CELF5: variants seen among roughly 807,000 people sequenced by gnomAD.
The protein encoded by CELF5 is CUG-BP and ETR-3 like factor 5.
CELF5 carries 6 observed loss-of-function variants against 54.9 expected under a neutral mutation model. That is an observed-to-expected ratio of 0.11 (90% CI 0.06 to 0.22). The LOEUF is 0.22. Among genes scored for constraint, CELF5 ranks in the 10% least tolerant of loss-of-function variants. The pLI is 1.00. For synonymous variants in CELF5, 271 were observed against 290.9 expected (o/e 0.93, Z 0.70); for missense variants, 401 against 678.6 (o/e 0.59, Z 4.54).
intron 2 of CELF5, among the ~76,000 whole-genome samples, chr19:3,267,072 T>C (rs1827404829): frequency 6.9e-6 from 1 of 143,950 alleles, no homozygotes; most frequent in Non-Finnish European, 1.5e-5. Flanking sequence ...CCTCTGTGTG[T>C]GCGTGTGCGT....
At chr19:3,248,352 C>G (rs531318537) in intron 1 of CELF5, among the ~76,000 whole-genome samples, 11 of 152,176 alleles carry the variant, frequency 7.2e-5, no homozygotes, top group South Asian at 2.1e-4. Context: ...CAAACTGAAA[C>G]TGTATCCCTG....
In CELF5 at chr19:3,281,127, T is replaced by C; in HGVS notation, c.604-72T>C. On this transcript the variant is annotated intron_variant, in intron 5 of 12. Coordinates refer to ENST00000292672, the MANE Select transcript of CELF5 (RefSeq NM_021938.4). This position sits in a 1 kb window ranked among gnomAD's most constrained non-coding sequence, Gnocchi z 6.5. Reference sequence around the variant, plus strand: ...CTCACCCAGGAGGCCTGAGCTAACATGAATCCAGGGACCCCAGAGTCCTGG... The same window carrying C: ...CTCACCCAGGAGGCCTGAGCTAACACGAATCCAGGGACCCCAGAGTCCTGG... 6.5e-7 allele frequency: 1 copy of C among 1,545,856 alleles called. No homozygotes were observed. Among genetic ancestry groups the C allele is most frequent in the Non-Finnish European group, 8.8e-7 (1 of 1,138,792 alleles).
chr19:3,249,890 C>T lies in CELF5; in HGVS notation c.260-1095C>T, dbSNP rs560835734. 2.5e-3 allele frequency among the ~76,000 whole-genome samples: 377 copies of T among 152,314 alleles called. 1 individual carries two copies. The highest frequency in any genetic ancestry group is 4.4e-3 in the Non-Finnish European group (296 of 68,030). On this transcript the variant is annotated intron_variant, in intron 1 of 12. Transcript: ENST00000292672. ...TCTTTCTGGGACCACTAGTGCCCTC[C>T]CCATCCTCCCCGCTGGGCAGCCCCT...
chr19:3,290,453 G>C, intron 11 of CELF5, 79 bp downstream of exon 11: 1 of 1,531,118 alleles, frequency 6.5e-7, no homozygotes, highest in Non-Finnish European at 9.0e-7. Context: ...GGTTTTGGTC[G>C]GCCTCGGGAC....
intron 2 of CELF5, among the ~76,000 whole-genome samples, chr19:3,258,423 G>C (rs1296609461): frequency 6.6e-6 from 1 of 151,776 alleles, no homozygotes; most frequent in Admixed American, 6.6e-5. Flanking sequence ...CGCCCGGCCT[G>C]TGTCTGTGTC....
At chr19:3,273,810 A>ACCCCCCCCCCCCCCCCCCC in intron 2 of CELF5, 62 bp from the exon 3 acceptor site, 1 of 1,190,150 alleles carries the variant, frequency 8.4e-7, no homozygotes, top group Non-Finnish European at 1.2e-6. Flanking sequence ...CTCAGGCAAA[A>ACCCCCCCCCCCCCCCCCCC]CCCCCCGCCT....
At chr19:3,285,844 A>G in intron 9 of CELF5, 98 bp from the exon 10 acceptor site, 2 of 164,544 alleles carry the variant, frequency 1.2e-5, no homozygotes, top group Non-Finnish European at 1.8e-5. Flanking sequence ...CCTTGGCCCC[A>G]CCCTCTTATG....
At chr19:3,293,664 C>T in intron 12 of CELF5, 178 bp downstream of exon 12, 1 of 571,906 alleles carries the variant, frequency 1.7e-6, no homozygotes, top group African/African-American at 1.9e-5. Context: ...CCCGATCCCC[C>T]TGTGGTTGGG....
chr19:3,225,667 G>T, intron 1 of CELF5: 1 of 881,486 alleles, frequency 1.1e-6, no homozygotes. Context: ...GGGGGGACGC[G>T]CCCGCCTCGC....
chr19:3,283,871 G>A lies in CELF5; in HGVS notation c.1040-1031G>A, dbSNP rs867558856. Among the ~76,000 whole-genome samples, 22 of 152,036 alleles carry A rather than the reference G, an allele frequency of 1.4e-4. No homozygotes were observed. In the Middle Eastern group the frequency reaches 0.014, roughly 94 times the overall value. ...AGAGTCTCACTCTGTCGCCCAGGCT[G>A]GAGTGCAGTGGCGTGATCATAGCTC... On this transcript the variant is annotated intron_variant, in intron 8 of 12. Transcript: ENST00000292672.
intron 1 of CELF5, among the ~76,000 whole-genome samples, chr19:3,231,678 AGGTG>A (rs1229384048): frequency 1.6e-5 from 2 of 127,654 alleles, no homozygotes; most frequent in Admixed American, 8.2e-5. Context: ...ATGGATGAGC[AGGTG>A]GGTGGATGGA....
At position 3,228,106 on chromosome 19, in the gene CELF5, TAA is replaced by T. The variant is rs943532438; in HGVS notation, c.259+3109_259+3110del. ...GGCCCTGGGGCGCTGGGTTTGTTTT[TAA>T]GAGAGAGAGAGAGAGAGAGATGAGG... is the stretch of plus-strand genomic sequence containing the variant. On this transcript the variant is annotated intron_variant, in intron 1 of 12. Transcript: ENST00000292672. This position sits in a 1 kb window ranked among gnomAD's most constrained non-coding sequence, Gnocchi z 6.0. 5.3e-5 allele frequency among the ~76,000 whole-genome samples: 8 copies of T among 150,344 alleles called. No homozygotes were observed. Among genetic ancestry groups the T allele is most frequent in the African/African-American group, 1.7e-4 (7 of 40,784 alleles).
At chr19:3,272,357 G>C (rs1411764991) in intron 2 of CELF5, among the ~76,000 whole-genome samples, 1 of 150,372 alleles carries the variant, frequency 6.7e-6, no homozygotes, top group South Asian at 2.1e-4. Context: ...AACAGAGTGA[G>C]AGTCCGTCCC....
chr19:3,247,508 C>T (rs988610442), intron 1 of CELF5, among the ~76,000 whole-genome samples: 8 of 150,538 alleles, frequency 5.3e-5, no homozygotes, highest in African/African-American at 2.0e-4. Context: ...GTGATCCTCC[C>T]GCCTCAGCCT....
intron 5 of CELF5, among the ~76,000 whole-genome samples, chr19:3,280,593 A>G (rs570788632): frequency 8.2e-4 from 125 of 152,164 alleles, no homozygotes; most frequent in African/African-American, 2.7e-3. Flanking sequence ...AACAAAAAAA[A>G]TCCGGGTCCG....
rs776019924 is a variant in CELF5, at chr19:3,224,840, G to T, written c.101G>T (p.Gly34Val). The part of the protein sequence containing the change: ...VGSSGPEPPG[G>V]QPDGMKDLDA... ...AGCAGCGGGCCCGAGCCCCCCGGGGGGCAGCCCGACGGCATGAAGGACCTG... is the reference window on the plus strand; with the variant it reads ...AGCAGCGGGCCCGAGCCCCCCGGGGTGCAGCCCGACGGCATGAAGGACCTG... Residue 34 changes from glycine to valine, a missense_variant, in exon 1 of 13, where the codon GGG (glycine) becomes GTG (valine). By Grantham distance (109) the Gly-to-Val change is moderately radical (BLOSUM62 -3). Coordinates refer to ENST00000292672, the MANE Select transcript of CELF5 (RefSeq NM_021938.4). 3.8e-6 allele frequency: 6 copies of T among 1,593,314 alleles called. No homozygotes were observed. The African/African-American group carries it at 5.4e-5, about 14-fold the overall frequency.
chr19:3,273,019 G>C (rs1333014779), intron 2 of CELF5, among the ~76,000 whole-genome samples: 2 of 152,006 alleles, frequency 1.3e-5, no homozygotes, highest in Non-Finnish European at 2.9e-5. Flanking sequence ...AAAGTGTCTA[G>C]AACAATGAAT....
At chr19:3,263,771 G>A (rs930755464) in intron 2 of CELF5, among the ~76,000 whole-genome samples, 2 of 151,510 alleles carry the variant, frequency 1.3e-5, no homozygotes, top group Admixed American at 1.3e-4. Context: ...CGGGCGTGGT[G>A]GTGGGCACCT....
intron 10 of CELF5, chr19:3,286,237 C>T (rs539645174): frequency 5.0e-5 from 25 of 503,912 alleles, no homozygotes; most frequent in Admixed American, 8.2e-5. Context: ...ACCATGCTCG[C>T]CCCGACCCCG....
Sources: gnomAD v4.1 joint callset for allele counts (sites outside exome capture counted in the v4.1 genomes callset) on GRCh38, gnomAD v4.1.1 for gene constraint, Gnocchi (gnomAD v3.1) non-coding constraint, MANE v1.5 for transcripts, NCBI Gene and HGNC (gene_info 2026-07-23, HGNC 2026-07-21) for gene names.